The following USH2A variants were observed in gnomAD, a reference collection of about 807,000 sequenced individuals.
USH2A encodes the protein usherin.
In USH2A, 443 loss-of-function variants were observed where a neutral mutation model predicts 538.9. The observed-to-expected ratio is 0.82, with a 90% confidence interval of 0.76 to 0.89. USH2A has a LOEUF of 0.89. Among genes scored for constraint, USH2A ranks in the 40% least tolerant of loss-of-function variants. The pLI is 0.00. For synonymous variants in USH2A, 2,413 were observed against 2,273.5 expected, an observed-to-expected ratio of 1.06 and a Z score of -1.75; for missense variants, 6,633 against 6,324.8, an observed-to-expected ratio of 1.05 and a Z score of -1.65.
At chr1:215,667,967 A>C (rs891629503) in intron 64 of USH2A, among the ~76,000 whole-genome samples, 5 of 152,210 alleles carry the variant, frequency 3.3e-5, no homozygotes, top group Admixed American at 6.5e-5. Context: ...CTTGCAAGGC[A>C]CACCATGTGG....
intron 9 of USH2A, among the ~76,000 whole-genome samples, chr1:216,303,978 C>T (rs2037266093): frequency 6.6e-6 from 1 of 151,888 alleles, no homozygotes; most frequent in Non-Finnish European, 1.5e-5. Context: ...GTCACCTCCA[C>T]TCTGTCTTTA....
At chr1:216,091,211 C>T (rs2032293533) in intron 22 of USH2A, among the ~76,000 whole-genome samples, 1 of 152,178 alleles carries the variant, frequency 6.6e-6, no homozygotes, top group Non-Finnish European at 1.5e-5. Flanking sequence ...CTATTTGGAA[C>T]ATATCAGACA....
At chr1:215,823,505 T>C (rs1663071671) in intron 47 of USH2A, among the ~76,000 whole-genome samples, 1 of 152,086 alleles carries the variant, frequency 6.6e-6, no homozygotes, top group Non-Finnish European at 1.5e-5. Context: ...TTGATTGTTA[T>C]ATGCCTTGGA....
intron 46 of USH2A, 113 bp from the exon 47 acceptor site, chr1:215,838,216 G>T: frequency 2.4e-6 from 2 of 843,476 alleles, no homozygotes; most frequent in Non-Finnish European, 2.0e-6. Context: ...TTTCTCTATA[G>T]CCTCTTGAGG....
chr1:215,886,137 T>C (rs1346919560), intron 41 of USH2A, among the ~76,000 whole-genome samples: 1 of 152,220 alleles, frequency 6.6e-6, no homozygotes, highest in Non-Finnish European at 1.5e-5. Flanking sequence ...AATATTACTG[T>C]CAATTTCCTT....
chr1:215,639,142 A>G lies in USH2A; in HGVS notation c.15052+13T>C. 6.2e-7 allele frequency: 1 copy of G among 1,613,730 alleles called. No homozygotes were observed. The highest frequency in any genetic ancestry group is 8.5e-7 in the Non-Finnish European group (1 of 1,179,604). The stretch of plus-strand genomic sequence containing the variant: ...GAATAGGTGCTACGCCAAGTATAAT[A>G]TGAGTTGTTTACCAAGTCCAGTAGA... On this transcript the variant is annotated intron_variant, in intron 69 of 71. Coordinates refer to ENST00000307340, the MANE Select transcript of USH2A (RefSeq NM_206933.4).
intron 4 of USH2A, among the ~76,000 whole-genome samples, chr1:216,359,034 C>T (rs1286669000): frequency 6.6e-6 from 1 of 152,100 alleles, no homozygotes; most frequent in African/African-American, 2.4e-5. Context: ...TGAAATAAGG[C>T]TCACAAGATT....
rs1324529659 is a variant in USH2A at position 215,683,251 on chromosome 1, A to G, written c.12067-2875T>C. 3.1e-3 allele frequency among the ~76,000 whole-genome samples: 37 copies of G among 11,906 alleles called. No homozygotes were observed. In the East Asian group the frequency reaches 0.12, roughly 39 times the overall value. The allele number at this position is 11,906 out of a possible 152,430, so 7.8% of individuals were successfully genotyped here. On this transcript the variant is annotated intron_variant, in intron 61 of 71. Coordinates refer to ENST00000307340, the MANE Select transcript of USH2A (RefSeq NM_206933.4). ...CACACACACACACACACACACACAC[A>G]CACGCACACACACACAAACCACATA...
chr1:216,211,695 A>T (rs2035244760), intron 15 of USH2A, among the ~76,000 whole-genome samples: 3 of 152,212 alleles, frequency 2.0e-5, no homozygotes, highest in Admixed American at 2.0e-4. Context: ...GCCTATTTAG[A>T]CATAGGAAAA....
chr1:215,909,515 C>A (rs111291865), intron 38 of USH2A, among the ~76,000 whole-genome samples: 1 of 151,868 alleles, frequency 6.6e-6, no homozygotes, highest in Non-Finnish European at 1.5e-5. Flanking sequence ...AGGGTATACA[C>A]GTGTGGAGGC....
intron 52 of USH2A, among the ~76,000 whole-genome samples, chr1:215,784,002 C>T (rs1439149986): frequency 1.3e-5 from 2 of 152,156 alleles, no homozygotes; most frequent in African/African-American, 2.4e-5. Context: ...TGGGGCAGAA[C>T]TTCATAAAAT....
intron 13 of USH2A, 129 bp from the exon 14 acceptor site, chr1:216,232,265 A>T (rs900850319): frequency 5.6e-6 from 6 of 1,064,164 alleles, no homozygotes; most frequent in Admixed American, 2.7e-5. Context: ...AAATGTGGTT[A>T]TATCTGTCCT....
In USH2A at chr1:216,143,590, C is replaced by T. The variant is rs1028318790; in HGVS notation, c.4627+31662G>A. ...ACTCCTACGGAGTTTTTTAAAGAAC[C>T]CAATAAAATTAGTTTTCAAAAGCAC... On this transcript the variant is annotated intron_variant, in intron 21 of 71. Coordinates refer to ENST00000307340, the MANE Select transcript of USH2A (RefSeq NM_206933.4). Among the ~76,000 whole-genome samples the T allele has an allele frequency of 2.6e-5, 4 of 151,854 alleles. No homozygotes were observed. In the East Asian group the frequency reaches 7.7e-4, roughly 29 times the overall value.
chr1:216,302,484 T>C lies in USH2A; in HGVS notation c.1645-10114A>G, dbSNP rs193216052. Among the ~76,000 whole-genome samples, 572 of 152,236 alleles carry C rather than the reference T, an allele frequency of 3.8e-3. 1 individual carries two copies. Among genetic ancestry groups the C allele is most frequent in the African/African-American group, 0.013 (546 of 41,552 alleles). On this transcript the variant is annotated intron_variant, in intron 9 of 71. Transcript: ENST00000307340. ...TGTTTATCCTTCAATGACATATCCC[T>C]TTTTCAGTAATTATCTTTCCCTTGG...
chr1:216,238,849 A>G (rs569182491), intron 13 of USH2A, among the ~76,000 whole-genome samples: 14 of 152,254 alleles, frequency 9.2e-5, no homozygotes, highest in African/African-American at 2.9e-4. Flanking sequence ...CTTGCTACTC[A>G]TCCCTTCCTA....
intron 13 of USH2A, among the ~76,000 whole-genome samples, chr1:216,242,356 A>G (rs986313901): frequency 2.0e-5 from 3 of 147,712 alleles, no homozygotes; most frequent in African/African-American, 5.0e-5. Flanking sequence ...ACTCCATCTC[A>G]AAAGAAAAAA....
intron 41 of USH2A, among the ~76,000 whole-genome samples, chr1:215,883,770 A>G (rs910767622): frequency 1.3e-5 from 2 of 152,174 alleles, no homozygotes; most frequent in African/African-American, 4.8e-5. Context: ...TTTCATGCCA[A>G]TACCATATTA....
At chr1:216,083,107 C>T (rs532453493) in intron 26 of USH2A, among the ~76,000 whole-genome samples, 4 of 151,914 alleles carry the variant, frequency 2.6e-5, no homozygotes, top group African/African-American at 7.2e-5. Context: ...ATCTATATGT[C>T]ATATGAAAAA....
chr1:215,793,309 T>C (rs533321303), intron 50 of USH2A, among the ~76,000 whole-genome samples: 3 of 152,236 alleles, frequency 2.0e-5, no homozygotes, highest in South Asian at 4.1e-4. Flanking sequence ...TGACAAATCA[T>C]TGTGAAACTC....
Sources: gnomAD v4.1 joint callset for allele counts (sites outside exome capture counted in the v4.1 genomes callset) on GRCh38, gnomAD v4.1.1 for gene constraint, MANE v1.5 for transcripts, NCBI Gene and HGNC (gene_info 2026-07-23, HGNC 2026-07-21) for gene names.